The following TEP1 variants were observed in gnomAD, a reference collection of about 807,000 sequenced individuals.
The protein encoded by TEP1 is telomerase associated protein 1.
Under a neutral mutation model 306.3 loss-of-function variants are expected in TEP1, and 241 were observed. The ratio of observed to expected loss-of-function variants is 0.79; its 90% CI spans 0.71 to 0.88. The LOEUF is 0.88. Ranked by LOEUF, TEP1 falls within the 40% of genes least tolerant of loss-of-function variation. The pLI is 0.00. For synonymous variants in TEP1, 1,289 were observed against 1,305.5 expected, an observed-to-expected ratio of 0.99 and a Z score of 0.27; for missense variants, 3,051 against 3,276.1, an observed-to-expected ratio of 0.93 and a Z score of 1.68.
Position 20,381,459 on chromosome 14 carries a change from T to C in TEP1, c.4559-58A>G, listed in dbSNP as rs1009478249. The C allele has an allele frequency of 1.2e-6, 2 of 1,612,726 alleles. No homozygotes were observed. The highest frequency in any genetic ancestry group is 1.7e-6 in the Non-Finnish European group (2 of 1,179,664). ...CTGCATCATTCCCAAGGGCAGTAGG[T>C]GAGCTGGCCAGCAGATGGGAGCACA... On this transcript the variant is annotated intron_variant, in intron 31 of 54. Coordinates refer to ENST00000262715, the MANE Select transcript of TEP1 (RefSeq NM_007110.5). This position sits in a 1 kb window ranked among gnomAD's most constrained non-coding sequence, Gnocchi z 4.0.
intron 51 of TEP1, among the ~76,000 whole-genome samples, 165 bp downstream of exon 51, chr14:20,371,052 AC>A (rs1466788588): frequency 6.6e-6 from 1 of 152,222 alleles, no homozygotes; most frequent in Admixed American, 6.5e-5. Flanking sequence ...TTACATGGGA[AC>A]CCAATACACA....
At position 20,368,317 on chromosome 14, in the gene TEP1, G is replaced by C; in HGVS notation, c.*120C>G. ...GGCAGGCCTACACTTGAGATTTTTT[G>C]ACACTTCATTTTTATAATTATCAAG... On this transcript the variant is annotated 3_prime_UTR_variant, in exon 55 of 55. Transcript: ENST00000262715. The C allele has an allele frequency of 8.0e-7, 1 of 1,250,782 alleles. No individual in the cohort carries two copies. 77.5% of individuals were successfully genotyped at this position (1,250,782 alleles called of 1,614,324 possible).
intron 22 of TEP1, 38 bp downstream of exon 22, chr14:20,384,562 C>A (rs755022287): frequency 6.2e-7 from 1 of 1,613,696 alleles, no homozygotes; most frequent in East Asian, 2.2e-5. Context: ...CCTCTCACCA[C>A]ATCTCTGTAC....
rs1876559151 is a variant in TEP1 at position 20,381,756 on chromosome 14, G to C, written c.4425-70C>G. 6.5e-7 allele frequency: 1 copy of C among 1,535,664 alleles called. No homozygotes were observed. Among genetic ancestry groups the C allele is most frequent in the African/African-American group, 1.4e-5 (1 of 72,116 alleles). ...TCAGTGAGCTTCCTGGCACACAGTG[G>C]GCTCCTATTCCCCCCTCAAATAGCG... On this transcript the variant is annotated intron_variant, in intron 30 of 54. Coordinates refer to ENST00000262715, the MANE Select transcript of TEP1 (RefSeq NM_007110.5). This position sits in a 1 kb window ranked among gnomAD's most constrained non-coding sequence, Gnocchi z 4.0.
intron 42 of TEP1, 112 bp downstream of exon 42, chr14:20,375,992 A>T: frequency 6.7e-7 from 1 of 1,490,498 alleles, no homozygotes; most frequent in Admixed American, 1.8e-5. Context: ...ACAGATCTAT[A>T]CTAGATTTGG....
At chr14:20,375,508 A>G (rs575880559) in intron 43 of TEP1, among the ~76,000 whole-genome samples, 19 of 152,298 alleles carry the variant, frequency 1.2e-4, no homozygotes, top group Admixed American at 2.6e-4. Context: ...GACCTTGGAA[A>G]TGTTCTGAGT....
At position 20,373,050 on chromosome 14, in the gene TEP1, T is replaced by A; in HGVS notation, c.6912A>T (p.Leu2304=). The change falls in exon 48 of 55, where the codon CTA becomes CTT. Residue 2304 remains leucine (L), a synonymous_variant. Transcript: ENST00000262715. ...MAVSGNQAGE[L]ILWQEAKAVA... ...CAGCCTTAGCTTCCTGCCACAAGATTAGTTCCCCAGCTTGATTTCCAGATA... is the reference window on the plus strand; with the variant it reads ...CAGCCTTAGCTTCCTGCCACAAGATAAGTTCCCCAGCTTGATTTCCAGATA... 6.2e-7 allele frequency: 1 copy of A among 1,614,226 alleles called. No homozygotes were observed.
intron 12 of TEP1, among the ~76,000 whole-genome samples, chr14:20,394,792 C>G (rs2139133837): frequency 6.6e-6 from 1 of 152,330 alleles, no homozygotes; most frequent in Non-Finnish European, 1.5e-5. Context: ...CCACACCCAG[C>G]CAGGCTTGAT....
In TEP1 at chr14:20,378,487, TG is replaced by T; in HGVS notation, c.5400del (p.Lys1801SerfsTer3). 6.2e-7 allele frequency: 1 copy of T among 1,614,180 alleles called. No homozygotes were observed. Among genetic ancestry groups the T allele is most frequent in the Non-Finnish European group, 8.5e-7 (1 of 1,180,024 alleles). The stretch of plus-strand genomic sequence containing the variant: ...TGGAAGGCAACACAGTTCAGGGACT[TG>T]GGGTAGGTGTGCTGGAAGGCCAGCT... The part of the protein sequence containing the change: ...RGQLAFQHTY[P>X]KSLNCVAFHP... On this transcript the variant is annotated frameshift_variant, in exon 38 of 55. Coordinates refer to ENST00000262715, the MANE Select transcript of TEP1 (RefSeq NM_007110.5). LOFTEE classifies it high-confidence loss of function.
At chr14:20,369,205 TC>T (rs1235995310) in intron 53 of TEP1, 138 bp downstream of exon 53, 1 of 849,054 alleles carries the variant, frequency 1.2e-6, no homozygotes, top group African/African-American at 1.7e-5. Flanking sequence ...AGATGGGGTT[TC>T]ACCGTGTTAG....
Position 20,381,943 on chromosome 14 carries a change from G to T in TEP1, c.4394C>A (p.Pro1465Gln). ...GNSGDPYPMGPFACLVQSLRS... is the reference protein window; with the variant it reads ...GNSGDPYPMGQFACLVQSLRS... Reference sequence around the variant, plus strand: ...CAGACTCTGGACGAGGCAGGCAAACGGGCCCATGGGGTAGGGGTCTCCACT... The same window carrying T: ...CAGACTCTGGACGAGGCAGGCAAACTGGCCCATGGGGTAGGGGTCTCCACT... Residue 1465 changes from proline (P) to glutamine (Q), a missense_variant, in exon 30 of 55, where the codon CCG becomes CAG. Physicochemically the swap from Pro to Gln is moderately conservative, Grantham distance 76 (BLOSUM62 -1). Coordinates refer to ENST00000262715, the MANE Select transcript of TEP1 (RefSeq NM_007110.5). This position sits in a 1 kb window ranked among gnomAD's most constrained non-coding sequence, Gnocchi z 4.0. 2.5e-6 allele frequency: 4 copies of T among 1,614,062 alleles called. No homozygotes were observed. The South Asian group carries it at 4.4e-5, about 18-fold the overall frequency.
chr14:20,398,351 C>T (rs953233708), intron 9 of TEP1, among the ~76,000 whole-genome samples: 4 of 147,858 alleles, frequency 2.7e-5, no homozygotes, highest in Admixed American at 6.8e-5. Flanking sequence ...GCACTCCAGC[C>T]TGGGCATCAA....
intron 1 of TEP1, among the ~76,000 whole-genome samples, chr14:20,409,477 T>G (rs1235347547): frequency 3.3e-5 from 5 of 152,334 alleles, no homozygotes; most frequent in African/African-American, 1.2e-4. Flanking sequence ...TCATATTCAC[T>G]TATCCATTTC....
rs1879383738 is a variant in TEP1 at position 20,408,420 on chromosome 14, T to C, written c.20A>G (p.His7Arg). Residue 7 changes from histidine (H) to arginine (R), a missense_variant, in exon 2 of 55, where the codon CAT (histidine) becomes CGT (arginine). Physicochemically the swap from His to Arg is conservative, Grantham distance 29 (BLOSUM62 0). Coordinates refer to ENST00000262715, the MANE Select transcript of TEP1 (RefSeq NM_007110.5). MEKLHG[H>R]VSAHPDILSL... ...GAGGATGTCTGGATGGGCAGACACA[T>C]GCCCATGGAGTTTTTCCATGGCTGA... 1 of 1,613,564 alleles carries C rather than the reference T, an allele frequency of 6.2e-7. No homozygotes were observed. Among genetic ancestry groups the C allele is most frequent in the Non-Finnish European group, 8.5e-7 (1 of 1,179,942 alleles).
chr14:20,375,948 T>G (rs1452281704), intron 42 of TEP1, 80 bp from the exon 43 acceptor site: 9 of 1,502,418 alleles, frequency 6.0e-6, no homozygotes, highest in Non-Finnish European at 8.3e-6. Context: ...GCAAGAAATT[T>G]CAAGGAAAGA....
rs183725884 is a variant in TEP1, at chr14:20,375,635, G to C, written c.6363+120C>G. 1.4e-5 allele frequency: 9 copies of C among 643,000 alleles called. No homozygotes were observed. The African/African-American group carries it at 1.4e-4, about 10-fold the overall frequency. 39.8% of individuals were successfully genotyped at this position (643,000 alleles called of 1,614,324 possible). A position where few individuals can be genotyped will look rare whatever the true frequency, so the allele number is the denominator to read the frequency against. On this transcript the variant is annotated intron_variant, in intron 43 of 54. Coordinates refer to ENST00000262715, the MANE Select transcript of TEP1 (RefSeq NM_007110.5). ...TAGTTCAATGCCTGGCACATATCAA[G>C]TTTGACAAATATTAGCTATCACTAT...
In TEP1 at chr14:20,379,082, G is replaced by A. The variant is rs995149818; in HGVS notation, c.5151C>T (p.Gly1717=). The A allele has an allele frequency of 4.3e-6, 7 of 1,614,032 alleles. No homozygotes were observed. In the Admixed American group the frequency reaches 1.0e-4, roughly 23 times the overall value. Residue 1717 remains glycine (G), a synonymous_variant, in exon 36 of 55, where the codon GGC becomes GGT. Coordinates refer to ENST00000262715, the MANE Select transcript of TEP1 (RefSeq NM_007110.5). ...ACAAACAAGCAGAGATTCCATCACA[G>A]CCACTCACCACAGACTTCTCCTCCT... The part of the protein sequence containing the change: ...TWQEEKSVVS[G]CDGISACLFL...
intron 9 of TEP1, chr14:20,400,686 G>T: frequency 3.4e-6 from 1 of 293,318 alleles, no homozygotes; most frequent in Non-Finnish European, 6.5e-6. Flanking sequence ...TTTTTGGAAT[G>T]AGTTACAGAG....
In TEP1 at chr14:20,383,250, G is replaced by A. The variant is rs1335977991; in HGVS notation, c.3971C>T (p.Ser1324Phe). 5.6e-6 allele frequency: 9 copies of A among 1,613,978 alleles called. No individual in the cohort carries two copies. The highest frequency in any genetic ancestry group is 7.6e-6 in the Non-Finnish European group (9 of 1,179,956). The change falls in exon 27 of 55, where the codon TCT becomes TTT. Residue 1324 changes from serine (S) to phenylalanine (F), a missense_variant. By Grantham distance (155) the Ser-to-Phe change is radical. Transcript: ENST00000262715. ...HVLALGPLEA[S>F]ARARLVREEL... ...CTCTCTCACCAGCCGGGCCCGAGCA[G>A]AGGCCTCCAGAGGCCCCAAGGCCAG...
Sources: allele counts gnomAD v4.1 joint callset (sites outside exome capture counted in the v4.1 genomes callset), GRCh38; gene constraint gnomAD v4.1.1; non-coding constraint Gnocchi (gnomAD v3.1); transcripts MANE v1.5; gene names NCBI Gene and HGNC (gene_info 2026-07-23, HGNC 2026-07-21).